MIPEP: variants seen among roughly 807,000 people sequenced by gnomAD.
The protein encoded by MIPEP is mitochondrial intermediate peptidase.
In MIPEP, 79 loss-of-function variants were observed where a neutral mutation model predicts 90.3. The observed-to-expected ratio is 0.87, with a 90% CI of 0.73 to 1.05. MIPEP has a LOEUF of 1.05. Ranked by LOEUF, MIPEP falls within the 50% of genes least tolerant of loss-of-function variation. The probability of loss-of-function intolerance (pLI) is 0.00; values close to 1 mark genes in which losing one functional copy is unlikely to be tolerated. For synonymous variants in MIPEP, 334 were observed against 315.8 expected (o/e 1.06, Z -0.61); for missense variants, 940 against 905.6 (o/e 1.04, Z -0.49).
At position 23,847,089 on chromosome 13, in the gene MIPEP, A is replaced by T. The variant is rs115484576; in HGVS notation, c.1107-5601T>A. ...CAGCATGGAAGTTGAAAAAAAATCA[A>T]CAGGAGGGCACATCTTTGTTTAGGC... On this transcript the variant is annotated intron_variant, in intron 10 of 18. Transcript: ENST00000382172. Among the ~76,000 whole-genome samples the T allele has an allele frequency of 4.1e-3, 628 of 152,310 alleles. 2 individuals carry two copies. The highest frequency in any genetic ancestry group is 0.014 in the African/African-American group (602 of 41,572).
At chr13:23,783,650 G>T (rs1418497088) in intron 16 of MIPEP, among the ~76,000 whole-genome samples, 1 of 152,178 alleles carries the variant, frequency 6.6e-6, no homozygotes, top group Non-Finnish European at 1.5e-5. Flanking sequence ...AGGAAAAGAG[G>T]AAGTCAAATA....
At chr13:23,782,858 G>T (rs1952794998) in intron 16 of MIPEP, among the ~76,000 whole-genome samples, 1 of 152,200 alleles carries the variant, frequency 6.6e-6, no homozygotes, top group Non-Finnish European at 1.5e-5. Flanking sequence ...AAATCTAGAA[G>T]AAATGGATAA....
chr13:23,756,339 G>C (rs1248278984), intron 18 of MIPEP: 1 of 486,688 alleles, frequency 2.1e-6, no homozygotes, highest in Non-Finnish European at 3.7e-6. Flanking sequence ...ATTTTTAGTA[G>C]AGACAGGGTT....
intron 18 of MIPEP, among the ~76,000 whole-genome samples, chr13:23,748,363 C>T (rs1952405862): frequency 6.6e-6 from 1 of 152,160 alleles, no homozygotes; most frequent in South Asian, 2.1e-4. Flanking sequence ...AGTCAGTTGC[C>T]CTCCTATCAC....
In MIPEP at chr13:23,795,827, C is replaced by CAA. The variant is rs56358765; in HGVS notation, c.1848+10121_1848+10122dup. On this transcript the variant is annotated intron_variant, in intron 16 of 18. Transcript: ENST00000382172. ...AAACATAGTGAAACCTCATCTCTAC[C>CAA]AAAAAAAAAAAAAAAGCTGGGAGTG... Among the ~76,000 whole-genome samples the CAA allele has an allele frequency of 4.5e-3, 606 of 133,554 alleles. 8 individuals carry two copies. Among genetic ancestry groups the CAA allele is most frequent in the East Asian group, 0.033 (151 of 4,592 alleles). The allele number at this position is 133,554 out of a possible 152,430, so 87.6% of individuals were successfully genotyped here. A position where few individuals can be genotyped will look rare whatever the true frequency, so the allele number is the denominator to read the frequency against.
chr13:23,799,130 A>G (rs1437501888), intron 16 of MIPEP, among the ~76,000 whole-genome samples: 1 of 143,562 alleles, frequency 7.0e-6, no homozygotes, highest in Non-Finnish European at 1.5e-5. Context: ...CAGCCTCCCC[A>G]GTAGCTGAGA....
intron 15 of MIPEP, among the ~76,000 whole-genome samples, chr13:23,809,429 C>T (rs1375762407): frequency 6.6e-6 from 1 of 151,648 alleles, no homozygotes; most frequent in East Asian, 1.9e-4. Flanking sequence ...ACTTCAACCT[C>T]CACCTCCCAG....
At chr13:23,875,035 C>CACACACACAA in intron 4 of MIPEP, 126 bp from the exon 5 acceptor site, 1 of 420,894 alleles carries the variant, frequency 2.4e-6, no homozygotes, top group Non-Finnish European at 4.2e-6. Flanking sequence ...AAAACACACA[C>CACACACACAA]ACACACACAC....
At chr13:23,806,108 A>C (rs1176707914) in intron 15 of MIPEP, 39 bp from the exon 16 acceptor site, 2 of 1,610,914 alleles carry the variant, frequency 1.2e-6, no homozygotes, top group South Asian at 2.2e-5. Flanking sequence ...TTGGTCGTCC[A>C]TCCTCACATC....
chr13:23,869,638 G>A (rs1870696486), intron 6 of MIPEP, among the ~76,000 whole-genome samples, 190 bp from the exon 7 acceptor site: 1 of 152,162 alleles, frequency 6.6e-6, no homozygotes, highest in Non-Finnish European at 1.5e-5. Flanking sequence ...ATACTTGACT[G>A]CAGCTCTAGG....
At chr13:23,886,571 C>A in intron 1 of MIPEP, 65 bp from the exon 2 acceptor site, 1 of 1,314,670 alleles carries the variant, frequency 7.6e-7, no homozygotes, top group South Asian at 1.7e-5. Flanking sequence ...TTTATATTTA[C>A]TAAAATTACT....
At chr13:23,840,393 T>C (rs1025579486) in intron 11 of MIPEP, among the ~76,000 whole-genome samples, 3 of 152,218 alleles carry the variant, frequency 2.0e-5, no homozygotes, top group African/African-American at 7.2e-5. Flanking sequence ...GATACAGAAG[T>C]GAATGCAACT....
intron 16 of MIPEP, among the ~76,000 whole-genome samples, chr13:23,770,445 T>A (rs1952635841): frequency 6.6e-6 from 1 of 152,188 alleles, no homozygotes; most frequent in Non-Finnish European, 1.5e-5. Flanking sequence ...GTCAGGATGC[T>A]GTCTCAGTGC....
At chr13:23,823,566 C>T (rs544749883) in intron 14 of MIPEP, among the ~76,000 whole-genome samples, 3 of 152,258 alleles carry the variant, frequency 2.0e-5, no homozygotes, top group East Asian at 1.9e-4. Context: ...CGGTGGCTCA[C>T]GCCTATAATC....
At chr13:23,797,623 C>G (rs1952977605) in intron 16 of MIPEP, among the ~76,000 whole-genome samples, 1 of 152,180 alleles carries the variant, frequency 6.6e-6, no homozygotes, top group South Asian at 2.1e-4. Flanking sequence ...CATCTTGTTT[C>G]TTTAGCCTCC....
chr13:23,771,565 ACAC>A (rs1952651750), intron 16 of MIPEP, among the ~76,000 whole-genome samples: 1 of 144,632 alleles, frequency 6.9e-6, no homozygotes, highest in African/African-American at 2.6e-5. Flanking sequence ...ACACACACAC[ACAC>A]ATCTGCATTT....
Position 23,792,138 on chromosome 13 carries a change from G to C in MIPEP, c.1848+13812C>G, listed in dbSNP as rs139205599. ...CCTCTAAATGTTGGAATGCCCCAAG[G>C]CTCATCTTTTAGACAGATTGTTCCC... On this transcript the variant is annotated intron_variant, in intron 16 of 18. Coordinates refer to ENST00000382172, the MANE Select transcript of MIPEP (RefSeq NM_005932.4). Among the ~76,000 whole-genome samples, 95 of 152,092 alleles carry C rather than the reference G, an allele frequency of 6.2e-4. 1 individual carries two copies. The East Asian group carries it at 0.016, about 25-fold the overall frequency.
At chr13:23,827,807 T>C (rs867525813) in intron 14 of MIPEP, among the ~76,000 whole-genome samples, 1 of 152,206 alleles carries the variant, frequency 6.6e-6, no homozygotes, top group Non-Finnish European at 1.5e-5. Flanking sequence ...TGGCACACGC[T>C]GTAATCCCAG....
At chr13:23,885,705 A>G (rs2137543209) in intron 2 of MIPEP, among the ~76,000 whole-genome samples, 1 of 152,076 alleles carries the variant, frequency 6.6e-6, no homozygotes, top group South Asian at 2.1e-4. Context: ...AAGTCTTTAC[A>G]ATCATTTTGA....
Sources: gnomAD v4.1 joint callset for allele counts (sites outside exome capture counted in the v4.1 genomes callset) on GRCh38, gnomAD v4.1.1 for gene constraint, MANE v1.5 for transcripts, NCBI Gene and HGNC (gene_info 2026-07-23, HGNC 2026-07-21) for gene names.